Variants in SYDE2 observed in about 807,000 individuals in gnomAD.
SYDE2 encodes the protein rho GTPase-activating protein SYDE2.
A neutral mutation model predicts 91.5 loss-of-function variants in SYDE2; 76 were observed. The observed-to-expected ratio is 0.83, with a 90% CI of 0.69 to 1.01. SYDE2 has a LOEUF of 1.01. Ranked by LOEUF, SYDE2 falls within the 50% of genes least tolerant of loss-of-function variation. The pLI is 0.00. For missense variants in SYDE2, 1,364 were observed against 1,367.7 expected (o/e 1.00, Z 0.04); for synonymous variants, 513 against 506.4 (o/e 1.01, Z -0.18).
chr1:85,186,988 T>C (rs1472538996), intron 2 of SYDE2, among the ~76,000 whole-genome samples: 1 of 152,134 alleles, frequency 6.6e-6, no homozygotes, highest in East Asian at 1.9e-4. Flanking sequence ...CCAAAAGCAA[T>C]GGCAACAAAA....
intron 1 of SYDE2, among the ~76,000 whole-genome samples, chr1:85,192,331 C>T (rs1192700672): frequency 6.6e-6 from 1 of 152,082 alleles, no homozygotes; most frequent in African/African-American, 2.4e-5. Flanking sequence ...TTGCCTGAGC[C>T]CAGGAATGTG....
At chr1:85,167,805 A>G (rs768500512) in intron 5 of SYDE2, among the ~76,000 whole-genome samples, 1 of 152,204 alleles carries the variant, frequency 6.6e-6, no homozygotes, top group East Asian at 1.9e-4. Context: ...TTCTTCACTT[A>G]TAAGTGGCAC....
At position 85,200,903 on chromosome 1, in the gene SYDE2, G is replaced by A; in HGVS notation, c.94C>T (p.Pro32Ser). ...FPAGARAPGQ[P>S]PSRGAAYRRA... Reference sequence around the variant, plus strand: ...CGGTACGCGGCGCCGCGGGAAGGCGGCTGGCCCGGAGCCCGGGCTCCCGCG... The same window carrying A: ...CGGTACGCGGCGCCGCGGGAAGGCGACTGGCCCGGAGCCCGGGCTCCCGCG... Residue 32 changes from proline (P) to serine (S), a missense_variant, in exon 1 of 7, where the codon CCG (proline) becomes TCG (serine). Physicochemically the swap from Pro to Ser is moderately conservative, Grantham distance 74. Transcript: ENST00000341460. 1.5e-6 allele frequency: 2 copies of A among 1,327,906 alleles called. No homozygotes were observed. The highest frequency in any genetic ancestry group is 1.9e-6 in the Non-Finnish European group (2 of 1,048,088). 82.3% of individuals were successfully genotyped at this position (1,327,906 alleles called of 1,614,324 possible).
downstream of SYDE2, among the ~76,000 whole-genome samples, chr1:85,155,809 T>C (rs571875176): frequency 3.9e-5 from 6 of 152,234 alleles, no homozygotes; most frequent in African/African-American, 1.4e-4. Context: ...TACAAATAAA[T>C]ATACAGTATA....
In SYDE2 at chr1:85,200,830, C is replaced by G; in HGVS notation, c.167G>C (p.Arg56Pro). Residue 56 changes from arginine to proline, a missense_variant, in exon 1 of 7, where the codon CGG becomes CCG. Physicochemically the swap from Arg to Pro is moderately radical, Grantham distance 103. Transcript: ENST00000341460. ...CGACCGGGGCGGGGACACCTGCTGC[C>G]GAGGGCGTCCGCCGCCTCCCCGCTC... ...DGERGGGGRP[R>P]QQVSPPRSPQ... The G allele has an allele frequency of 1.4e-6, 2 of 1,401,004 alleles. No homozygotes were observed. The highest frequency in any genetic ancestry group is 1.8e-6 in the Non-Finnish European group (2 of 1,085,866). The allele number at this position is 1,401,004 out of a possible 1,614,324, so 86.8% of individuals were successfully genotyped here.
At chr1:85,155,009 CAA>C, downstream of SYDE2, among the ~76,000 whole-genome samples, 253 of 80,626 alleles carry the variant, frequency 3.1e-3, no homozygotes, top group African/African-American at 9.5e-3. Flanking sequence ...AAGAATGCAG[CAA>C]AAAAAAAAAA....
chr1:85,180,213 A>G (rs1657859420), intron 3 of SYDE2, among the ~76,000 whole-genome samples: 1 of 152,134 alleles, frequency 6.6e-6, no homozygotes, highest in South Asian at 2.1e-4. Flanking sequence ...GCCTATTTTC[A>G]TGTTTACAAT....
intron 6 of SYDE2, chr1:85,160,567 G>A: frequency 1.0e-6 from 1 of 983,828 alleles, no homozygotes; most frequent in Non-Finnish European, 1.2e-6. Context: ...ACTGATGTAA[G>A]TGCAGAATGG....
chr1:85,194,148 C>T (rs1023351137), intron 1 of SYDE2, among the ~76,000 whole-genome samples: 1 of 151,380 alleles, frequency 6.6e-6, no homozygotes, highest in Non-Finnish European at 1.5e-5. Flanking sequence ...TAAACTTGAG[C>T]AATTATTTAT....
chr1:85,200,260 G>A lies in SYDE2; in HGVS notation c.737C>T (p.Thr246Met), dbSNP rs774088142. 2 of 1,613,938 alleles carry A rather than the reference G, an allele frequency of 1.2e-6. No homozygotes were observed. The highest frequency in any genetic ancestry group is 2.2e-5 in the South Asian group (2 of 91,082). The part of the protein sequence containing the change: ...VLSVPPDQRI[T>M]LTDLFENAYG... ...ATCGCAAAGTATCCTACCTGTCAGCGTAATTCTTTGGTCTGGAGGCACCGA... is the reference window on the plus strand; with the variant it reads ...ATCGCAAAGTATCCTACCTGTCAGCATAATTCTTTGGTCTGGAGGCACCGA... The change falls in exon 1 of 7, where the codon ACG (threonine) becomes ATG (methionine). Residue 246 changes from threonine to methionine, a missense_variant. Thr to Met is a moderately conservative substitution (Grantham distance 81, BLOSUM62 -1). Transcript: ENST00000341460.
chr1:85,155,040 AAAAG>A (rs1656848239), downstream of SYDE2, among the ~76,000 whole-genome samples: 1 of 150,248 alleles, frequency 6.7e-6, no homozygotes, highest in African/African-American at 2.4e-5. Flanking sequence ...AGAAAAAGAA[AAAAG>A]AAAAGAAAGA....
downstream of SYDE2, among the ~76,000 whole-genome samples, chr1:85,154,644 C>T (rs540588817): frequency 6.6e-6 from 1 of 151,438 alleles, no homozygotes; most frequent in Non-Finnish European, 1.5e-5. Context: ...TTCAGCTGCT[C>T]AGGCCCTACT....
Position 85,172,649 on chromosome 1 carries a change from T to C in SYDE2, c.2672-3424A>G, listed in dbSNP as rs529323832. 2.6e-5 allele frequency among the ~76,000 whole-genome samples: 4 copies of C among 152,208 alleles called. No homozygotes were observed. In the East Asian group the frequency reaches 7.7e-4, roughly 29 times the overall value. ...GGATCCCTGAGAGATGGGAACCAAATGAAGTGTGCCCACAACAACCACAGC... is the reference window on the plus strand; with the variant it reads ...GGATCCCTGAGAGATGGGAACCAAACGAAGTGTGCCCACAACAACCACAGC... On this transcript the variant is annotated intron_variant, in intron 4 of 6. Transcript: ENST00000341460.
At chr1:85,156,520 T>C (rs1160164260), downstream of SYDE2, among the ~76,000 whole-genome samples, 1 of 151,974 alleles carries the variant, frequency 6.6e-6, no homozygotes, top group Non-Finnish European at 1.5e-5. Context: ...TGAAGTAAAA[T>C]GCCATTTAAA....
intron 6 of SYDE2, chr1:85,160,075 T>C (rs1657005500): frequency 8.1e-6 from 8 of 984,154 alleles, no homozygotes; most frequent in African/African-American, 1.7e-5. Flanking sequence ...ATTCTGTATA[T>C]AAAATAGACA....
At chr1:85,197,195 A>G (rs1400926496) in intron 1 of SYDE2, among the ~76,000 whole-genome samples, 1 of 152,168 alleles carries the variant, frequency 6.6e-6, no homozygotes, top group Non-Finnish European at 1.5e-5. Flanking sequence ...TAATCATCTC[A>G]ATTAGGAACA....
intron 4 of SYDE2, among the ~76,000 whole-genome samples, chr1:85,174,598 G>A (rs531432181): frequency 4.0e-4 from 61 of 152,274 alleles, no homozygotes; most frequent in Non-Finnish European, 8.1e-4. Context: ...ATTTCCTGAA[G>A]GTAGAGCTAC....
intron 5 of SYDE2, among the ~76,000 whole-genome samples, 156 bp downstream of exon 5, chr1:85,168,888 T>A (rs920632023): frequency 6.6e-6 from 1 of 152,188 alleles, no homozygotes; most frequent in Non-Finnish European, 1.5e-5. Context: ...TTTAAGAAGC[T>A]TTTACAGACT....
chr1:85,182,078 G>A lies in SYDE2; in HGVS notation c.2544+20C>T. On this transcript the variant is annotated intron_variant, in intron 3 of 6. Coordinates refer to ENST00000341460, the MANE Select transcript of SYDE2 (RefSeq NM_032184.2). ...ATCAATCAATAAAGGAAGTAGTAGGGAACCATAGTAAGATAATACCTGACA... is the reference window on the plus strand; with the variant it reads ...ATCAATCAATAAAGGAAGTAGTAGGAAACCATAGTAAGATAATACCTGACA... 6.5e-7 allele frequency: 1 copy of A among 1,548,490 alleles called. No homozygotes were observed. The highest frequency in any genetic ancestry group is 8.7e-7 in the Non-Finnish European group (1 of 1,154,296).
Sources: gnomAD v4.1 joint callset for allele counts (sites outside exome capture counted in the v4.1 genomes callset) on GRCh38, gnomAD v4.1.1 for gene constraint, MANE v1.5 for transcripts, NCBI Gene and HGNC (gene_info 2026-07-23, HGNC 2026-07-21) for gene names.